Variants in PDE1C observed in about 807,000 individuals in gnomAD.
PDE1C encodes phosphodiesterase 1C.
PDE1C carries 62 observed loss-of-function variants against 93.1 expected under a neutral mutation model. The ratio of observed to expected loss-of-function variants is 0.67; its 90% CI spans 0.54 to 0.82. The LOEUF (loss-of-function observed/expected upper bound fraction) is 0.82, where lower values mean the gene tolerates loss of function less well. Ranked by LOEUF, PDE1C falls within the 40% of genes least tolerant of loss-of-function variation. The pLI is 0.00. For missense variants in PDE1C, 742 were observed against 884.6 expected, an observed-to-expected ratio of 0.84 and a Z score of 2.04; for synonymous variants, 325 against 310.1, an observed-to-expected ratio of 1.05 and a Z score of -0.50.
At chr7:32,118,629 A>C (rs1252287478) in intron 3 of PDE1C, among the ~76,000 whole-genome samples, 1 of 152,160 alleles carries the variant, frequency 6.6e-6, no homozygotes, top group Admixed American at 6.5e-5. Context: ...TCTGGTGGAA[A>C]GGCAAACAAG....
chr7:31,633,806 A>C, the PDE1C span, among the ~76,000 whole-genome samples: 2 of 152,262 alleles, frequency 1.3e-5, no homozygotes, highest in African/African-American at 2.4e-5. Flanking sequence ...TGATGAAGAC[A>C]GTTAACTTCA....
At chr7:31,830,878 T>A (rs1284831304) in intron 11 of PDE1C, among the ~76,000 whole-genome samples, 1 of 152,170 alleles carries the variant, frequency 6.6e-6, no homozygotes, top group Admixed American at 6.5e-5. Flanking sequence ...CATAGAACCA[T>A]CTGCTAATCA....
At chr7:32,257,966 T>C (rs1268886383) in intron 1 of PDE1C, among the ~76,000 whole-genome samples, 1 of 152,380 alleles carries the variant, frequency 6.6e-6, no homozygotes. Flanking sequence ...ATGCTGTCTA[T>C]CCATCTACCT....
intron 3 of PDE1C, among the ~76,000 whole-genome samples, chr7:32,097,940 C>A (rs1797838441): frequency 6.6e-6 from 1 of 152,026 alleles, no homozygotes; most frequent in African/African-American, 2.4e-5. Context: ...CCTTTAAAGA[C>A]ATAAATCCGG....
At chr7:31,868,844 C>T (rs1795604465) in intron 6 of PDE1C, among the ~76,000 whole-genome samples, 2 of 151,372 alleles carry the variant, frequency 1.3e-5, no homozygotes, top group Non-Finnish European at 2.9e-5. Context: ...CAGAAAATAT[C>T]TCATTAGAAA....
intron 2 of PDE1C, among the ~76,000 whole-genome samples, chr7:31,987,483 C>T (rs1002237784): frequency 1.3e-5 from 2 of 152,154 alleles, no homozygotes; most frequent in African/African-American, 4.8e-5. Flanking sequence ...AAACCACCCA[C>T]AAGCCTAAAG....
chr7:31,844,723 T>C (rs1792335693), intron 9 of PDE1C, among the ~76,000 whole-genome samples: 1 of 152,022 alleles, frequency 6.6e-6, no homozygotes, highest in Non-Finnish European at 1.5e-5. Flanking sequence ...CTTCAAATTC[T>C]TTTTCTTTCC....
chr7:31,656,546 C>G, the PDE1C span: 1 of 897,060 alleles, frequency 1.1e-6, no homozygotes. Context: ...TAGCAAAGTA[C>G]TTTATGCACA....
intron 2 of PDE1C, among the ~76,000 whole-genome samples, chr7:32,176,045 A>G (rs1802962985): frequency 6.6e-6 from 1 of 152,152 alleles, no homozygotes; most frequent in Non-Finnish European, 1.5e-5. Flanking sequence ...TTATTCATCA[A>G]TGTGTTGAAT....
intron 3 of PDE1C, among the ~76,000 whole-genome samples, chr7:32,083,186 G>A (rs986188850): frequency 4.6e-5 from 7 of 152,084 alleles, no homozygotes; most frequent in African/African-American, 7.3e-5. Flanking sequence ...GCCAAGGCTT[G>A]AGAACTACGT....
At chr7:32,175,295 C>G (rs548700684) in intron 2 of PDE1C, among the ~76,000 whole-genome samples, 26 of 152,304 alleles carry the variant, frequency 1.7e-4, no homozygotes, top group African/African-American at 6.0e-4. Flanking sequence ...ATGAGTCACA[C>G]ACATTTTTTT....
chr7:31,807,013 T>C (rs537960079), intron 16 of PDE1C, among the ~76,000 whole-genome samples: 22 of 152,090 alleles, frequency 1.4e-4, no homozygotes, highest in African/African-American at 5.3e-4. Context: ...ACTCATCAAA[T>C]TGCTTTCCAC....
At chr7:31,632,605 A>T in the PDE1C span, among the ~76,000 whole-genome samples, 1 of 152,182 alleles carries the variant, frequency 6.6e-6, no homozygotes, top group Admixed American at 6.5e-5. Flanking sequence ...TATCAGTGTA[A>T]CCCAACACTG....
rs79649332 is a variant in PDE1C, at chr7:32,295,767, G to A, written c.85+2884C>T. 2.6e-4 allele frequency among the ~76,000 whole-genome samples: 39 copies of A among 152,124 alleles called. No homozygotes were observed. In the East Asian group the frequency reaches 5.4e-3, roughly 21 times the overall value. On this transcript the variant is annotated intron_variant, in intron 1 of 18. Coordinates refer to the PDE1C transcript ENST00000396193. Reference sequence around the variant, plus strand: ...AAATTAGCAGGGCGTGTTGGCGGGCGCCTGTAGTCCCAGCTACTCCGGAGG... The same window carrying A: ...AAATTAGCAGGGCGTGTTGGCGGGCACCTGTAGTCCCAGCTACTCCGGAGG...
chr7:32,032,178 C>G (rs978181720), intron 2 of PDE1C, among the ~76,000 whole-genome samples: 4 of 152,138 alleles, frequency 2.6e-5, no homozygotes, highest in Admixed American at 1.3e-4. Context: ...ACCCAGGATG[C>G]CACATGGGGC....
At chr7:31,658,943 G>T in the PDE1C span, among the ~76,000 whole-genome samples, 1 of 152,100 alleles carries the variant, frequency 6.6e-6, no homozygotes, top group Admixed American at 6.6e-5. Flanking sequence ...TCAGGAAAAT[G>T]AAAGAAAACA....
At chr7:32,181,054 T>C (rs991370427) in intron 2 of PDE1C, among the ~76,000 whole-genome samples, 2 of 152,202 alleles carry the variant, frequency 1.3e-5, no homozygotes, top group Non-Finnish European at 2.9e-5. Context: ...TGAAACAATC[T>C]TGTATAGGTC....
At chr7:32,221,880 A>G (rs1806895023) in intron 1 of PDE1C, among the ~76,000 whole-genome samples, 1 of 152,212 alleles carries the variant, frequency 6.6e-6, no homozygotes, top group African/African-American at 2.4e-5. Flanking sequence ...CTGGCATTCA[A>G]CAGAGCAGAG....
At chr7:31,930,509 A>C (rs1282202623) in intron 2 of PDE1C, among the ~76,000 whole-genome samples, 3 of 152,136 alleles carry the variant, frequency 2.0e-5, no homozygotes, top group Admixed American at 6.5e-5. Context: ...AAAAATCCTC[A>C]ATAAAATACT....
Sources: gnomAD v4.1 joint callset for allele counts (sites outside exome capture counted in the v4.1 genomes callset) on GRCh38, gnomAD v4.1.1 for gene constraint, MANE v1.5 for transcripts, NCBI Gene and HGNC (gene_info 2026-07-23, HGNC 2026-07-21) for gene names.